GABRB1: variants seen among roughly 807,000 people sequenced by gnomAD.
The protein encoded by GABRB1 is gamma-aminobutyric acid type A receptor subunit beta1.
A neutral mutation model predicts 51.6 loss-of-function variants in GABRB1; 17 were observed. The ratio of observed to expected loss-of-function variants is 0.33; its 90% CI spans 0.23 to 0.49. The LOEUF is 0.49. GABRB1 is among the 20% of genes least tolerant of loss of function. GABRB1 has a pLI of 0.99. For synonymous variants in GABRB1, 247 were observed against 218.9 expected, an observed-to-expected ratio of 1.13 and a Z score of -1.14; for missense variants, 410 against 600.6, an observed-to-expected ratio of 0.68 and a Z score of 3.32.
intron 4 of GABRB1, among the ~76,000 whole-genome samples, chr4:47,172,631 C>CTTTTTT (rs71195611): frequency 1.5e-5 from 1 of 65,798 alleles, no homozygotes; most frequent in Non-Finnish European, 2.6e-5. Flanking sequence ...TTAGATTTAA[C>CTTTTTT]TTTTTTTTTT....
chr4:47,046,123 G>C (rs1726074405), intron 3 of GABRB1, among the ~76,000 whole-genome samples: 1 of 152,052 alleles, frequency 6.6e-6, no homozygotes, highest in African/African-American at 2.4e-5. Context: ...CGGCCACTCT[G>C]TGAAGAGGTG....
At chr4:47,189,627 A>G (rs1229967476) in intron 4 of GABRB1, among the ~76,000 whole-genome samples, 1 of 151,876 alleles carries the variant, frequency 6.6e-6, no homozygotes, top group Admixed American at 6.6e-5. Flanking sequence ...TGGATCTGCC[A>G]TGCTGTATTT....
At chr4:47,146,259 G>T (rs984513902) in intron 3 of GABRB1, among the ~76,000 whole-genome samples, 5 of 152,092 alleles carry the variant, frequency 3.3e-5, no homozygotes, top group South Asian at 2.1e-4. Flanking sequence ...GTACCAGAAA[G>T]TAAAGATAAT....
At chr4:47,215,900 T>A (rs966611497) in intron 4 of GABRB1, among the ~76,000 whole-genome samples, 1 of 152,082 alleles carries the variant, frequency 6.6e-6, no homozygotes, top group African/African-American at 2.4e-5. Flanking sequence ...ATGACACAGC[T>A]CCTCTGAAAT....
chr4:47,089,252 T>C (rs1577897369), intron 3 of GABRB1, among the ~76,000 whole-genome samples: 2 of 152,176 alleles, frequency 1.3e-5, no homozygotes, highest in East Asian at 1.9e-4. Flanking sequence ...TAGATTTTAC[T>C]ACCGAGGGTG....
chr4:47,411,488 T>G (rs771949407), intron 8 of GABRB1, among the ~76,000 whole-genome samples: 1 of 151,918 alleles, frequency 6.6e-6, no homozygotes, highest in African/African-American at 2.4e-5. Flanking sequence ...TTGCCGGGAG[T>G]CAGTGATAGT....
In GABRB1 at chr4:47,045,629, G is replaced by A. The variant is rs1435319774; in HGVS notation, c.240+13145G>A. On this transcript the variant is annotated intron_variant, in intron 3 of 8. Transcript: ENST00000295454. ...GTGTCTGTTGAGGGGCTACTGCTTGGTTCAAAGACAGCCTTCACATGGTGT... is the reference window on the plus strand; with the variant it reads ...GTGTCTGTTGAGGGGCTACTGCTTGATTCAAAGACAGCCTTCACATGGTGT... Among the ~76,000 whole-genome samples, 3 of 152,084 alleles carry A rather than the reference G, an allele frequency of 2.0e-5. No homozygotes were observed. The South Asian group carries it at 6.2e-4, about 32-fold the overall frequency.
chr4:47,282,430 C>T (rs1387244576), intron 4 of GABRB1, among the ~76,000 whole-genome samples: 1 of 152,114 alleles, frequency 6.6e-6, no homozygotes, highest in Non-Finnish European at 1.5e-5. Flanking sequence ...CTGATGTTTT[C>T]CTGTTTTTCA....
chr4:47,313,749 C>T (rs1463147519), intron 4 of GABRB1, among the ~76,000 whole-genome samples: 3 of 152,064 alleles, frequency 2.0e-5, no homozygotes, highest in Non-Finnish European at 4.4e-5. Flanking sequence ...TTTCTATAGC[C>T]TAACATAGAT....
intron 8 of GABRB1, among the ~76,000 whole-genome samples, chr4:47,422,523 CT>C (rs1023568777): frequency 6.6e-6 from 1 of 152,168 alleles, no homozygotes; most frequent in African/African-American, 2.4e-5. Context: ...TTCATTCCCC[CT>C]GTTCTCTCTG....
intron 4 of GABRB1, among the ~76,000 whole-genome samples, chr4:47,188,262 T>C (rs898458678): frequency 5.9e-5 from 9 of 152,018 alleles, no homozygotes; most frequent in South Asian, 2.1e-4. Flanking sequence ...AAGCCAGTTA[T>C]ATTTATTTGT....
chr4:47,269,935 TACACACACAC>T (rs10639386), intron 4 of GABRB1, among the ~76,000 whole-genome samples: 61 of 136,056 alleles, frequency 4.5e-4, no homozygotes, highest in African/African-American at 1.3e-3. Flanking sequence ...CAACTCTCCC[TACACACACAC>T]ACACACACAC....
chr4:47,082,277 CTT>C (rs1318242606), intron 3 of GABRB1, among the ~76,000 whole-genome samples: 18 of 151,830 alleles, frequency 1.2e-4, no homozygotes, highest in Non-Finnish European at 1.9e-4. Context: ...ACAAATATAA[CTT>C]TGAAAAATAA....
chr4:47,296,777 A>T (rs2109931057), intron 4 of GABRB1, among the ~76,000 whole-genome samples: 2 of 152,050 alleles, frequency 1.3e-5, no homozygotes, highest in Non-Finnish European at 2.9e-5. Flanking sequence ...CATCTACAAA[A>T]TTCTCCACCC....
chr4:47,199,066 G>T (rs1263720154), intron 4 of GABRB1, among the ~76,000 whole-genome samples: 1 of 152,132 alleles, frequency 6.6e-6, no homozygotes, highest in Non-Finnish European at 1.5e-5. Flanking sequence ...AGATTTAGGT[G>T]GGGGCACAGA....
chr4:47,005,364 G>C (rs1228908427), intron 1 of GABRB1, among the ~76,000 whole-genome samples: 1 of 152,180 alleles, frequency 6.6e-6, no homozygotes, highest in East Asian at 1.9e-4. Context: ...CTTGCAGTGA[G>C]CTGAGATCCA....
chr4:47,028,785 A>G (rs904649840), upstream of GABRB1, among the ~76,000 whole-genome samples: 71 of 147,316 alleles, frequency 4.8e-4, no homozygotes, highest in African/African-American at 1.7e-3. Flanking sequence ...CACCATATAT[A>G]TGTATATGTG....
chr4:47,422,051 A>G (rs1189280979), intron 8 of GABRB1, among the ~76,000 whole-genome samples: 3 of 152,114 alleles, frequency 2.0e-5, no homozygotes, highest in African/African-American at 7.2e-5. Flanking sequence ...TTATAGACAT[A>G]CAGTAGAGGA....
intron 4 of GABRB1, among the ~76,000 whole-genome samples, chr4:47,200,505 G>A (rs1719858470): frequency 6.6e-6 from 1 of 152,060 alleles, no homozygotes; most frequent in Admixed American, 6.6e-5. Context: ...GTATGGCAAA[G>A]TGTGACTGAC....
Sources: gnomAD v4.1 joint callset for allele counts (sites outside exome capture counted in the v4.1 genomes callset) on GRCh38, gnomAD v4.1.1 for gene constraint, MANE v1.5 for transcripts, NCBI Gene and HGNC (gene_info 2026-07-23, HGNC 2026-07-21) for gene names.